The following GRIA1 variants were observed in gnomAD, a reference collection of about 807,000 sequenced individuals.
GRIA1 encodes glutamate receptor 1.
A neutral mutation model predicts 99.2 loss-of-function variants in GRIA1; 31 were observed. That is an observed-to-expected ratio of 0.31 (90% CI 0.23 to 0.42). The LOEUF (loss-of-function observed/expected upper bound fraction) is 0.42, where lower values mean the gene tolerates loss of function less well. Among genes scored for constraint, GRIA1 ranks in the 10% least tolerant of loss-of-function variants. The pLI, the probability that GRIA1 is intolerant of heterozygous loss-of-function variation, is 1.00. For synonymous variants in GRIA1, 438 were observed against 432.4 expected (o/e 1.01, Z -0.16); for missense variants, 782 against 1,157.5 (o/e 0.68, Z 4.71).
At chr5:153,715,983 T>C (rs1355793404) in intron 11 of GRIA1, among the ~76,000 whole-genome samples, 1 of 152,052 alleles carries the variant, frequency 6.6e-6, no homozygotes, top group Non-Finnish European at 1.5e-5. Flanking sequence ...GGAGAAGAAG[T>C]GGGAAGAATT....
chr5:153,608,007 T>G (rs1389631747), intron 2 of GRIA1, among the ~76,000 whole-genome samples: 1 of 152,170 alleles, frequency 6.6e-6, no homozygotes, highest in African/African-American at 2.4e-5. Flanking sequence ...TGTCTTTATT[T>G]TACATTCTCT....
At position 153,721,291 on chromosome 5, in the gene GRIA1, G is replaced by T. The variant is rs1328976622; in HGVS notation, c.1823+15224G>T. Among the ~76,000 whole-genome samples, 3 of 152,246 alleles carry T rather than the reference G, an allele frequency of 2.0e-5. No homozygotes were observed. In the South Asian group the frequency reaches 6.2e-4, roughly 32 times the overall value. ...AAGATAACACATTGAGCAAACAAAG[G>T]TATAGATAGGAGTGAAGTTTCCCCA... is the stretch of plus-strand genomic sequence containing the variant. On this transcript the variant is annotated intron_variant, in intron 11 of 15. Coordinates refer to ENST00000285900, the MANE Select transcript of GRIA1 (RefSeq NM_000827.4).
intron 2 of GRIA1, among the ~76,000 whole-genome samples, chr5:153,512,450 G>A (rs1253998017): frequency 1.3e-5 from 2 of 152,210 alleles, no homozygotes; most frequent in Non-Finnish European, 2.9e-5. Flanking sequence ...AACATATTTG[G>A]AAAGGTACTG....
chr5:153,510,082 A>T (rs1342883687), intron 2 of GRIA1, among the ~76,000 whole-genome samples: 3 of 152,176 alleles, frequency 2.0e-5, no homozygotes, highest in South Asian at 2.1e-4. Flanking sequence ...ATCTGCCAAG[A>T]TGGTTCTTTT....
At chr5:153,711,671 T>G (rs1484278209) in intron 11 of GRIA1, among the ~76,000 whole-genome samples, 4 of 152,162 alleles carry the variant, frequency 2.6e-5, no homozygotes, top group Non-Finnish European at 5.9e-5. Flanking sequence ...GCTACCCTAC[T>G]GTGTAGTCTC....
At chr5:153,493,372 T>C (rs1187590669) in intron 1 of GRIA1, among the ~76,000 whole-genome samples, 1 of 152,190 alleles carries the variant, frequency 6.6e-6, no homozygotes, top group African/African-American at 2.4e-5. Flanking sequence ...ATAGAATAGT[T>C]AAATTGCATG....
chr5:153,740,599 A>C (rs1761713442), intron 11 of GRIA1, among the ~76,000 whole-genome samples: 1 of 152,204 alleles, frequency 6.6e-6, no homozygotes, highest in Non-Finnish European at 1.5e-5. Context: ...CTTCCTAGGG[A>C]GTTGCTGTGG....
chr5:153,565,214 A>T (rs1464707942), intron 2 of GRIA1, among the ~76,000 whole-genome samples: 1 of 152,194 alleles, frequency 6.6e-6, no homozygotes, highest in Non-Finnish European at 1.5e-5. Context: ...AATACCTGTG[A>T]TCGTATAAGA....
Position 153,812,024 on chromosome 5 carries a change from T to C in GRIA1, c.*799T>C, listed in dbSNP as rs905995767. Reference sequence around the variant, plus strand: ...TAATGTGGAAGAGCCATTTCATAGGTCATAGGTGGTATGGTATATTTCTTC... The same window carrying C: ...TAATGTGGAAGAGCCATTTCATAGGCCATAGGTGGTATGGTATATTTCTTC... On this transcript the variant is annotated 3_prime_UTR_variant, in exon 16 of 16. Transcript: ENST00000285900. The C allele has an allele frequency of 2.0e-5, 3 of 152,190 alleles. No individual in the cohort carries two copies. The highest frequency in any genetic ancestry group is 4.8e-5 in the African/African-American group (2 of 41,414). 9.4% of individuals were successfully genotyped at this position (152,190 alleles called of 1,614,324 possible). A position where few individuals can be genotyped will look rare whatever the true frequency, so the allele number is the denominator to read the frequency against.
At chr5:153,580,288 C>T (rs1199767657) in intron 2 of GRIA1, among the ~76,000 whole-genome samples, 3 of 152,038 alleles carry the variant, frequency 2.0e-5, no homozygotes, top group African/African-American at 7.3e-5. Context: ...GGTCTGACCT[C>T]GAGCCTGACA....
chr5:153,799,254 C>T (rs10070447), intron 14 of GRIA1, among the ~76,000 whole-genome samples: 46,242 of 151,994 alleles, frequency 0.3, 7,478 homozygotes, highest in South Asian at 0.41. Flanking sequence ...CACAGATCCA[C>T]GAGGAAGCTG....
At chr5:153,504,514 G>A (rs1047206541) in intron 2 of GRIA1, among the ~76,000 whole-genome samples, 41 of 152,036 alleles carry the variant, frequency 2.7e-4, no homozygotes, top group African/African-American at 9.9e-4. Context: ...ACAGGCTGGA[G>A]CTGAACCAAT....
At chr5:153,562,145 G>T (rs1761186868) in intron 2 of GRIA1, among the ~76,000 whole-genome samples, 1 of 152,170 alleles carries the variant, frequency 6.6e-6, no homozygotes, top group South Asian at 2.1e-4. Flanking sequence ...CATTTTGGCT[G>T]ATTGCTGTGT....
At chr5:153,572,760 G>A (rs1762225920) in intron 2 of GRIA1, among the ~76,000 whole-genome samples, 1 of 152,214 alleles carries the variant, frequency 6.6e-6, no homozygotes, top group Admixed American at 6.5e-5. Flanking sequence ...GTGAAGGTGA[G>A]AGAATGCCCA....
chr5:153,737,631 G>A (rs1235535343), intron 11 of GRIA1, among the ~76,000 whole-genome samples: 2 of 152,126 alleles, frequency 1.3e-5, no homozygotes, highest in African/African-American at 4.8e-5. Context: ...CAGTACTTGT[G>A]TCTGATTCTA....
At chr5:153,796,404 A>G (rs1253678678) in intron 14 of GRIA1, among the ~76,000 whole-genome samples, 1 of 152,230 alleles carries the variant, frequency 6.6e-6, no homozygotes, top group Non-Finnish European at 1.5e-5. Flanking sequence ...GTAGAAAGTC[A>G]GTACTTCTTG....
intron 2 of GRIA1, among the ~76,000 whole-genome samples, chr5:153,564,478 T>C (rs1048532936): frequency 2.0e-5 from 3 of 152,200 alleles, no homozygotes; most frequent in African/African-American, 4.8e-5. Flanking sequence ...TTATCTCTTA[T>C]GGATCCCTGG....
intron 15 of GRIA1, among the ~76,000 whole-genome samples, chr5:153,805,431 G>C (rs995837363): frequency 1.3e-5 from 2 of 152,150 alleles, no homozygotes; most frequent in Non-Finnish European, 2.9e-5. Flanking sequence ...CAGGGCATGG[G>C]AGGGAGCTGC....
At chr5:153,501,280 G>T (rs1581136504) in intron 2 of GRIA1, among the ~76,000 whole-genome samples, 1 of 152,178 alleles carries the variant, frequency 6.6e-6, no homozygotes, top group African/African-American at 2.4e-5. Context: ...AGCTAATAAA[G>T]GAGGCTGCCA....
Sources: gnomAD v4.1 joint callset for allele counts (sites outside exome capture counted in the v4.1 genomes callset) on GRCh38, gnomAD v4.1.1 for gene constraint, MANE v1.5 for transcripts, NCBI Gene and HGNC (gene_info 2026-07-23, HGNC 2026-07-21) for gene names.